Variants in RHOJ observed in about 807,000 individuals in gnomAD.
RHOJ encodes ras homolog family member J.
RHOJ carries 11 observed loss-of-function variants against 23.4 expected under a neutral mutation model. The observed-to-expected ratio is 0.47, with a 90% confidence interval of 0.30 to 0.78. The LOEUF (loss-of-function observed/expected upper bound fraction) is 0.78. Among genes scored for constraint, RHOJ ranks in the 30% least tolerant of loss-of-function variants. RHOJ has a pLI of 0.08. For missense variants in RHOJ, 254 were observed against 273.4 expected (o/e 0.93, Z 0.50); for synonymous variants, 102 against 102.7 (o/e 0.99, Z 0.04).
intron 2 of RHOJ, among the ~76,000 whole-genome samples, chr14:63,276,190 C>T (rs1009821888): frequency 4.0e-5 from 6 of 148,150 alleles, no homozygotes; most frequent in African/African-American, 1.6e-4. Flanking sequence ...GCAGCCTCTC[C>T]CCCAGTGCCT....
intron 1 of RHOJ, among the ~76,000 whole-genome samples, chr14:63,256,889 T>C (rs1446992378): frequency 1.3e-5 from 2 of 151,744 alleles, no homozygotes; most frequent in Non-Finnish European, 1.5e-5. Flanking sequence ...CTGACGAACA[T>C]GGTGAAACTC....
At chr14:63,262,863 A>G (rs1460040453) in intron 1 of RHOJ, among the ~76,000 whole-genome samples, 2 of 152,236 alleles carry the variant, frequency 1.3e-5, no homozygotes, top group Non-Finnish European at 2.9e-5. Flanking sequence ...TATCAGACAG[A>G]TCTAAATACC....
intron 1 of RHOJ, among the ~76,000 whole-genome samples, chr14:63,213,027 G>T (rs1894274342): frequency 6.6e-6 from 1 of 152,122 alleles, no homozygotes. Context: ...TGTATTTTTA[G>T]GTTTTTGTAA....
intron 2 of RHOJ, among the ~76,000 whole-genome samples, chr14:63,270,877 C>T (rs1485613392): frequency 6.6e-6 from 1 of 152,204 alleles, no homozygotes; most frequent in East Asian, 1.9e-4. Context: ...TGCAGCAATC[C>T]AACAAGTATT....
chr14:63,225,852 G>A (rs1293274124), intron 1 of RHOJ, among the ~76,000 whole-genome samples: 1 of 152,098 alleles, frequency 6.6e-6, no homozygotes, highest in Non-Finnish European at 1.5e-5. Flanking sequence ...TCAGAAAAAA[G>A]ATTAATCTTG....
chr14:63,245,456 T>C (rs1416484718), intron 1 of RHOJ, among the ~76,000 whole-genome samples: 1 of 152,080 alleles, frequency 6.6e-6, no homozygotes, highest in African/African-American at 2.4e-5. Context: ...GAGACCACCA[T>C]GGACACCATG....
Position 63,211,130 on chromosome 14 carries a change from G to C in RHOJ, c.178+6083G>C, listed in dbSNP as rs10133053. Among the ~76,000 whole-genome samples, 1,283 of 152,230 alleles carry C rather than the reference G, an allele frequency of 8.4e-3. 13 individuals are homozygous for C. Among genetic ancestry groups the C allele is most frequent in the African/African-American group, 0.029 (1,212 of 41,538 alleles). The stretch of plus-strand genomic sequence containing the variant: ...CTTAGTTAAATGGTGATCAGCCCAA[G>C]GTAGACAGTCATAACCTTAATGGCC... On this transcript the variant is annotated intron_variant, in intron 1 of 4. Coordinates refer to ENST00000316754, the MANE Select transcript of RHOJ (RefSeq NM_020663.5).
chr14:63,226,796 T>C (rs1194090877), intron 1 of RHOJ, among the ~76,000 whole-genome samples: 1 of 151,902 alleles, frequency 6.6e-6, no homozygotes, highest in African/African-American at 2.4e-5. Context: ...ATACAACTCC[T>C]AGAAAAGTTA....
chr14:63,217,293 T>G (rs1431590911), intron 1 of RHOJ, among the ~76,000 whole-genome samples: 5 of 143,600 alleles, frequency 3.5e-5, no homozygotes, highest in Non-Finnish European at 7.6e-5. Flanking sequence ...TGTGTCCATG[T>G]GATCTCATTG....
At chr14:63,234,897 C>T (rs889570797) in intron 1 of RHOJ, among the ~76,000 whole-genome samples, 3 of 152,186 alleles carry the variant, frequency 2.0e-5, no homozygotes, top group Admixed American at 6.5e-5. Flanking sequence ...AACATATCCA[C>T]TGAGGCATGG....
intron 1 of RHOJ, among the ~76,000 whole-genome samples, chr14:63,252,637 TTAC>T (rs1182247375): frequency 6.6e-6 from 1 of 152,144 alleles, no homozygotes; most frequent in African/African-American, 2.4e-5. Context: ...TGCCTAGAAT[TTAC>T]TACTATCTTT....
At chr14:63,252,565 C>T (rs185925777) in intron 1 of RHOJ, among the ~76,000 whole-genome samples, 133 of 152,234 alleles carry the variant, frequency 8.7e-4, no homozygotes, top group African/African-American at 3.1e-3. Flanking sequence ...AGAAAAACAT[C>T]CTTCCTAATC....
At chr14:63,210,549 C>G (rs1894213604) in intron 1 of RHOJ, among the ~76,000 whole-genome samples, 2 of 152,180 alleles carry the variant, frequency 1.3e-5, no homozygotes, top group Non-Finnish European at 2.9e-5. Context: ...CTGGGCTCTG[C>G]TCCTTACTCC....
chr14:63,257,475 T>A (rs73268322), intron 1 of RHOJ, among the ~76,000 whole-genome samples: 6,268 of 149,900 alleles, frequency 0.042, 670 homozygotes, highest in African/African-American at 0.14. Flanking sequence ...CAGAAAGTTA[T>A]CTGAGCAACG....
intron 1 of RHOJ, among the ~76,000 whole-genome samples, chr14:63,253,303 C>G (rs938511363): frequency 6.6e-6 from 1 of 152,196 alleles, no homozygotes; most frequent in Non-Finnish European, 1.5e-5. Flanking sequence ...GGGTCTTACT[C>G]TGTCACCCAG....
chr14:63,258,153 G>A (rs763256995), intron 1 of RHOJ, among the ~76,000 whole-genome samples: 2 of 149,290 alleles, frequency 1.3e-5, no homozygotes, highest in Non-Finnish European at 3.0e-5. Flanking sequence ...GCTTGAACCC[G>A]GGAGGTGGAG....
intron 3 of RHOJ, among the ~76,000 whole-genome samples, chr14:63,282,853 T>C (rs948946801): frequency 1.3e-5 from 2 of 152,052 alleles, no homozygotes; most frequent in African/African-American, 4.8e-5. Context: ...AAAAAACATC[T>C]GAGATAGCAA....
At chr14:63,206,137 CT>C (rs1430964040) in intron 1 of RHOJ, among the ~76,000 whole-genome samples, 1 of 152,174 alleles carries the variant, frequency 6.6e-6, no homozygotes, top group Non-Finnish European at 1.5e-5. Context: ...AAAGTAGCTT[CT>C]TTTCCAGAAC....
At chr14:63,262,625 T>C (rs1895292005) in intron 1 of RHOJ, among the ~76,000 whole-genome samples, 1 of 152,248 alleles carries the variant, frequency 6.6e-6, no homozygotes, top group Admixed American at 6.5e-5. Context: ...CTGACCACTG[T>C]CTGCCAGGCA....
Sources: gnomAD v4.1 joint callset for allele counts (sites outside exome capture counted in the v4.1 genomes callset) on GRCh38, gnomAD v4.1.1 for gene constraint, MANE v1.5 for transcripts, NCBI Gene and HGNC (gene_info 2026-07-23, HGNC 2026-07-21) for gene names.